The following CDC27 variants were observed in gnomAD, a reference collection of about 807,000 sequenced individuals.
CDC27 encodes cell division cycle 27.
In CDC27, 27 loss-of-function variants were observed where a neutral mutation model predicts 109.7. The observed-to-expected ratio is 0.25, with a 90% CI of 0.18 to 0.34. The LOEUF is 0.34. Ranked by LOEUF, CDC27 falls within the 10% of genes least tolerant of loss-of-function variation. The pLI, the probability that CDC27 is intolerant of heterozygous loss-of-function variation, is 1.00. For missense variants in CDC27, 579 were observed against 960.2 expected (o/e 0.60, Z 5.25); for synonymous variants, 266 against 333.9 (o/e 0.80, Z 2.22).
At chr17:47,178,142 G>A (rs184955378) in intron 2 of CDC27, among the ~76,000 whole-genome samples, 9 of 152,156 alleles carry the variant, frequency 5.9e-5, no homozygotes, top group Admixed American at 5.2e-4. Flanking sequence ...ACTCACTAGT[G>A]GACTGTGATG....
chr17:47,129,358 T>A (rs1214860193), intron 16 of CDC27, 35 bp downstream of exon 16: 1 of 1,499,234 alleles, frequency 6.7e-7, no homozygotes, highest in Admixed American at 1.9e-5. Flanking sequence ...TTTTAAGCAA[T>A]ACAACACTGA....
intron 14 of CDC27, among the ~76,000 whole-genome samples, chr17:47,133,605 A>T (rs923609075): frequency 9.4e-5 from 14 of 149,670 alleles, no homozygotes; most frequent in Admixed American, 8.7e-4. Flanking sequence ...ACACCCAGCT[A>T]ATTTTGTATT....
chr17:47,143,873 T>C lies in CDC27; in HGVS notation c.1170+10A>G. On this transcript the variant is annotated intron_variant, in intron 10 of 18. Transcript: ENST00000066544. ...TAAGTAAATGTGACATACAGAAATC[T>C]TTAAATTACCTTGGTTGTGGAGCTG... 3 of 1,372,798 alleles carry C rather than the reference T, an allele frequency of 2.2e-6. No homozygotes were observed. Among genetic ancestry groups the C allele is most frequent in the Non-Finnish European group, 2.9e-6 (3 of 1,032,358 alleles). The allele number at this position is 1,372,798 out of a possible 1,614,324, so 85.0% of individuals were successfully genotyped here.
intron 14 of CDC27, among the ~76,000 whole-genome samples, chr17:47,132,741 T>TTTA (rs34229894): frequency 0.21 from 26,819 of 124,830 alleles, 3,068 homozygotes; most frequent in African/African-American, 0.25. Flanking sequence ...ATTAAAGCAG[T>TTTA]TTATTATTAT....
chr17:47,154,798 T>C lies in CDC27; in HGVS notation c.843-12A>G. 2 of 1,390,702 alleles carry C rather than the reference T, an allele frequency of 1.4e-6. No homozygotes were observed. Among genetic ancestry groups the C allele is most frequent in the South Asian group, 1.2e-5 (1 of 84,908 alleles). 86.1% of individuals were successfully genotyped at this position (1,390,702 alleles called of 1,614,324 possible). A position where few individuals can be genotyped will look rare whatever the true frequency, so the allele number is the denominator to read the frequency against. ...GCAAAATCCCAAAACTGAGAAGAGG[T>C]TGAAATCAAGGTGTCAAAAAGTCAT... On this transcript the variant is annotated splice_polypyrimidine_tract_variant and intron_variant, in intron 7 of 18. Coordinates refer to ENST00000066544, the MANE Select transcript of CDC27 (RefSeq NM_001256.6).
At position 47,145,531 on chromosome 17, in the gene CDC27, T is replaced by C. The variant is rs567531675; in HGVS notation, c.1071-1549A>G. ...GATGTCTTTGTTATTCATTATGAGC[T>C]CCTGGGACCGTGCCTGAATTTATGC... On this transcript the variant is annotated intron_variant, in intron 9 of 18. Coordinates refer to ENST00000066544, the MANE Select transcript of CDC27 (RefSeq NM_001256.6). Among the ~76,000 whole-genome samples, 34 of 152,270 alleles carry C rather than the reference T, an allele frequency of 2.2e-4. No homozygotes were observed. The South Asian group carries it at 3.5e-3, about 16-fold the overall frequency.
At chr17:47,174,157 T>A (rs188999729) in intron 2 of CDC27, among the ~76,000 whole-genome samples, 7 of 152,222 alleles carry the variant, frequency 4.6e-5, no homozygotes, top group African/African-American at 1.7e-4. Context: ...ATCTGAAGTG[T>A]TGTGACACGG....
At chr17:47,159,448 C>A (rs921997932) in intron 4 of CDC27, 15 of 723,024 alleles carry the variant, frequency 2.1e-5, no homozygotes, top group Non-Finnish European at 3.3e-5. Flanking sequence ...TTCTTGGGCA[C>A]ACGTGCCAAG....
intron 15 of CDC27, among the ~76,000 whole-genome samples, chr17:47,130,242 T>C (rs1176323626): frequency 6.6e-6 from 1 of 152,116 alleles, no homozygotes; most frequent in African/African-American, 2.4e-5. Flanking sequence ...ACGCCTGTAG[T>C]CCGAGCTACT....
At chr17:47,180,091 G>A (rs2064164648) in intron 2 of CDC27, among the ~76,000 whole-genome samples, 1 of 152,080 alleles carries the variant, frequency 6.6e-6, no homozygotes, top group Non-Finnish European at 1.5e-5. Flanking sequence ...TTGTGCCACT[G>A]TACTCTAGCC....
chr17:47,168,178 T>C (rs1248776190), intron 4 of CDC27, among the ~76,000 whole-genome samples: 1 of 152,124 alleles, frequency 6.6e-6, no homozygotes, highest in Non-Finnish European at 1.5e-5. Flanking sequence ...TTGGTGATAA[T>C]CTTATCACCA....
At chr17:47,144,394 G>A (rs1156705007) in intron 9 of CDC27, among the ~76,000 whole-genome samples, 2 of 152,082 alleles carry the variant, frequency 1.3e-5, no homozygotes, top group Non-Finnish European at 2.9e-5. Flanking sequence ...CAAATGATAA[G>A]CACATCTATA....
intron 12 of CDC27, among the ~76,000 whole-genome samples, chr17:47,141,643 C>T (rs969342345): frequency 6.6e-6 from 1 of 152,084 alleles, no homozygotes; most frequent in Non-Finnish European, 1.5e-5. Context: ...TCTCTATAAA[C>T]CTATTCCGAG....
chr17:47,187,580 G>A (rs1232603818), intron 1 of CDC27, among the ~76,000 whole-genome samples: 2 of 152,204 alleles, frequency 1.3e-5, no homozygotes, highest in Middle Eastern at 3.4e-3. Context: ...GGGATTTCAG[G>A]TGTAAGCCAC....
chr17:47,161,566 C>G (rs1489316847), intron 4 of CDC27, among the ~76,000 whole-genome samples: 1 of 152,056 alleles, frequency 6.6e-6, no homozygotes, highest in Non-Finnish European at 1.5e-5. Context: ...GCCTGGCCAA[C>G]ACGGTGAAAA....
chr17:47,167,135 G>A (rs552609236), intron 4 of CDC27, among the ~76,000 whole-genome samples: 6 of 152,212 alleles, frequency 3.9e-5, no homozygotes, highest in Non-Finnish European at 7.3e-5. Flanking sequence ...GATTACAGGC[G>A]TGAGCCACTG....
At chr17:47,132,002 C>G (rs921624679) in intron 15 of CDC27, among the ~76,000 whole-genome samples, 3 of 147,418 alleles carry the variant, frequency 2.0e-5, no homozygotes, top group Non-Finnish European at 4.5e-5. Context: ...ACAGAACAAC[C>G]CTATGAGGTA....
intron 13 of CDC27, among the ~76,000 whole-genome samples, chr17:47,138,267 A>G (rs2062684324): frequency 6.6e-6 from 1 of 152,194 alleles, no homozygotes. Flanking sequence ...ATTACCGCAA[A>G]TAATGGGAGT....
intron 5 of CDC27, 58 bp from the exon 6 acceptor site, chr17:47,157,442 T>TC: frequency 7.4e-7 from 1 of 1,351,280 alleles, no homozygotes. Flanking sequence ...TACATGTTTT[T>TC]CAAGTATGCA....
Sources: allele counts gnomAD v4.1 joint callset (sites outside exome capture counted in the v4.1 genomes callset), GRCh38; gene constraint gnomAD v4.1.1; transcripts MANE v1.5; gene names NCBI Gene and HGNC (gene_info 2026-07-23, HGNC 2026-07-21).